DOCK9: variants seen among roughly 807,000 people sequenced by gnomAD.
DOCK9 encodes dedicator of cytokinesis 9, also known as dedicator of cytokinesis protein 9.
DOCK9 carries 89 observed loss-of-function variants against 263.3 expected under a neutral mutation model. The ratio of observed to expected loss-of-function variants is 0.34; its 90% CI spans 0.28 to 0.40. DOCK9 has a LOEUF of 0.40. DOCK9 is among the 10% of genes least tolerant of loss of function. The pLI is 1.00. For missense variants in DOCK9, 2,140 were observed against 2,603.4 expected (o/e 0.82, Z 3.87); for synonymous variants, 976 against 973.1 (o/e 1.00, Z -0.06).
At chr13:98,896,745 C>T (rs1396451251) in intron 15 of DOCK9, among the ~76,000 whole-genome samples, 2 of 152,308 alleles carry the variant, frequency 1.3e-5, no homozygotes, top group East Asian at 3.9e-4. Flanking sequence ...CTTGGGGAAG[C>T]TGCCGGCCCT....
chr13:98,979,663 C>T (rs192699438), upstream of DOCK9, among the ~76,000 whole-genome samples: 3 of 152,082 alleles, frequency 2.0e-5, no homozygotes, highest in Non-Finnish European at 4.4e-5. Flanking sequence ...GGTAGTCTTT[C>T]AGGGTTAATA....
intron 9 of DOCK9, among the ~76,000 whole-genome samples, chr13:98,912,099 TA>T (rs1329460574): frequency 2.0e-5 from 3 of 151,860 alleles, no homozygotes; most frequent in African/African-American, 7.3e-5. Context: ...CTTGAACTCC[TA>T]ACCTCAAAAG....
chr13:98,995,893 C>T (rs757177575), intron 1 of DOCK9, among the ~76,000 whole-genome samples: 9 of 152,218 alleles, frequency 5.9e-5, no homozygotes, highest in East Asian at 1.9e-4. Context: ...GGCCCTGAAG[C>T]GCAGAATAGT....
At chr13:99,002,962 A>G (rs1323814750) in intron 1 of DOCK9, among the ~76,000 whole-genome samples, 3 of 111,604 alleles carry the variant, frequency 2.7e-5, no homozygotes, top group Non-Finnish European at 6.1e-5. Flanking sequence ...ACAAGTAAAT[A>G]GACATGGAAA....
At chr13:98,840,388 C>T (rs1313264135) in intron 38 of DOCK9, among the ~76,000 whole-genome samples, 3 of 152,192 alleles carry the variant, frequency 2.0e-5, no homozygotes, top group African/African-American at 4.8e-5. Flanking sequence ...TCTGCAGGGA[C>T]GTGCTATCTC....
At chr13:98,963,887 A>T (rs1330425622) in intron 1 of DOCK9, among the ~76,000 whole-genome samples, 1 of 152,250 alleles carries the variant, frequency 6.6e-6, no homozygotes, top group Non-Finnish European at 1.5e-5. Flanking sequence ...CTGCACTCCT[A>T]TCATGCACGT....
chr13:99,000,274 C>T (rs1882026861), intron 1 of DOCK9, among the ~76,000 whole-genome samples: 1 of 152,204 alleles, frequency 6.6e-6, no homozygotes, highest in South Asian at 2.1e-4. Context: ...CAGTTCTGAA[C>T]AGAATGCAGA....
chr13:98,845,906 G>T lies in DOCK9; in HGVS notation c.4198+18C>A, dbSNP rs368526211. The stretch of plus-strand genomic sequence containing the variant: ...CATGAGATGGCTGGCTGTTACGATG[G>T]CATGTCATGGGACTTACTGTGGTTA... On this transcript the variant is annotated intron_variant, in intron 38 of 52. Coordinates refer to ENST00000682017, the MANE Select transcript of DOCK9 (RefSeq NM_001366683.2). 3 of 1,611,856 alleles carry T rather than the reference G, an allele frequency of 1.9e-6. No homozygotes were observed. The highest frequency in any genetic ancestry group is 2.7e-5 in the African/African-American group (2 of 74,906).
chr13:98,821,997 G>A (rs956784053), intron 45 of DOCK9, among the ~76,000 whole-genome samples: 1 of 152,142 alleles, frequency 6.6e-6, no homozygotes, highest in African/African-American at 2.4e-5. Flanking sequence ...GGCAGCCAAT[G>A]CAAAAACGTG....
intron 9 of DOCK9, among the ~76,000 whole-genome samples, chr13:98,912,388 G>A (rs938801513): frequency 3.3e-5 from 5 of 152,138 alleles, no homozygotes; most frequent in African/African-American, 4.8e-5. Flanking sequence ...ATTCATGTTT[G>A]AGCATTCTGC....
In DOCK9 at chr13:98,831,359, T is replaced by C. The variant is rs780186345; in HGVS notation, c.4624A>G (p.Thr1542Ala). ...DYTGKKSFVR[T>A]HLQVIISVSQ... is the part of the protein sequence containing the mutation. The stretch of plus-strand genomic sequence containing the variant: ...TAAACCACACGCACTTGCAAATGTG[T>C]CCGGACAAAGGACTTCTTTCCAGTG... The change falls in exon 41 of 53, where the codon ACA (threonine) becomes GCA (alanine). Residue 1542 changes from threonine to alanine, a missense_variant. Physicochemically the swap from Thr to Ala is moderately conservative, Grantham distance 58. Coordinates refer to ENST00000682017, the MANE Select transcript of DOCK9 (RefSeq NM_001366683.2). 1.5e-5 allele frequency: 24 copies of C among 1,603,758 alleles called. No homozygotes were observed. The highest frequency in any genetic ancestry group is 2.0e-5 in the Non-Finnish European group (24 of 1,174,850).
intron 1 of DOCK9, among the ~76,000 whole-genome samples, chr13:98,993,746 AT>A (rs1880363803): frequency 6.6e-6 from 1 of 151,528 alleles, no homozygotes; most frequent in South Asian, 2.1e-4. Context: ...GTCTCAAAAA[AT>A]AAAAATAAAT....
At chr13:99,081,751 C>T (rs569754100) in intron 1 of DOCK9, among the ~76,000 whole-genome samples, 26 of 152,334 alleles carry the variant, frequency 1.7e-4, no homozygotes, top group Middle Eastern at 6.8e-3. Flanking sequence ...CATAACTCAA[C>T]CCTGCTCAGG....
At chr13:99,050,590 G>A (rs1212974013) in intron 1 of DOCK9, among the ~76,000 whole-genome samples, 3 of 152,208 alleles carry the variant, frequency 2.0e-5, no homozygotes, top group African/African-American at 2.4e-5. Flanking sequence ...CTACTCGGGA[G>A]GTTGAGGCAG....
intron 1 of DOCK9, among the ~76,000 whole-genome samples, chr13:98,963,143 C>T (rs912172261): frequency 5.9e-5 from 9 of 152,142 alleles, no homozygotes; most frequent in Non-Finnish European, 8.8e-5. Context: ...CAGCATGGCG[C>T]GCCTCTAGCA....
intron 1 of DOCK9, among the ~76,000 whole-genome samples, chr13:98,994,283 CT>C (rs1880495366): frequency 6.6e-6 from 1 of 152,330 alleles, no homozygotes; most frequent in East Asian, 1.9e-4. Flanking sequence ...GTATTCTAAT[CT>C]AGTGGTTCCC....
intron 1 of DOCK9, among the ~76,000 whole-genome samples, chr13:99,019,398 T>A (rs148043036): frequency 1.3e-5 from 2 of 152,314 alleles, no homozygotes; most frequent in African/African-American, 4.8e-5. Context: ...TGAATGTAAT[T>A]TTTAAAAAGT....
At chr13:98,995,485 CTTTTT>C (rs140398881) in intron 1 of DOCK9, among the ~76,000 whole-genome samples, 6 of 121,460 alleles carry the variant, frequency 4.9e-5, no homozygotes, top group South Asian at 2.7e-4. Flanking sequence ...GAGGAAGATA[CTTTTT>C]TTTTTTTTTT....
intron 10 of DOCK9, among the ~76,000 whole-genome samples, chr13:98,903,892 A>G (rs1343792574): frequency 6.6e-6 from 1 of 152,222 alleles, no homozygotes; most frequent in African/African-American, 2.4e-5. Flanking sequence ...AAGGACAAAT[A>G]CTGTATGATT....
Sources: gnomAD v4.1 joint callset for allele counts (sites outside exome capture counted in the v4.1 genomes callset) on GRCh38, gnomAD v4.1.1 for gene constraint, MANE v1.5 for transcripts, NCBI Gene and HGNC (gene_info 2026-07-23, HGNC 2026-07-21) for gene names.